Variants in SCFD2 observed in about 807,000 individuals in gnomAD.
The protein encoded by SCFD2 is sec1 family domain containing 2.
Under a neutral mutation model 58.9 loss-of-function variants are expected in SCFD2, and 54 were observed. That is an observed-to-expected ratio of 0.92 (90% CI 0.74 to 1.15). The LOEUF (loss-of-function observed/expected upper bound fraction) is 1.15. SCFD2 is among the 50% of genes most tolerant of loss of function. The pLI, the probability that SCFD2 is intolerant of heterozygous loss-of-function variation, is 0.00. For synonymous variants in SCFD2, 321 were observed against 335.9 expected (o/e 0.96, Z 0.49); for missense variants, 805 against 836.6 (o/e 0.96, Z 0.47).
intron 4 of SCFD2, among the ~76,000 whole-genome samples, chr4:53,171,987 AT>A (rs1577800419): frequency 1.4e-5 from 2 of 147,714 alleles, no homozygotes. Context: ...TTTTATTTTT[AT>A]TTTATTTATT....
At chr4:52,906,651 GTCC>G (rs1719355555) in intron 7 of SCFD2, among the ~76,000 whole-genome samples, 1 of 152,214 alleles carries the variant, frequency 6.6e-6, no homozygotes, top group African/African-American at 2.4e-5. Context: ...TCTGGCGTCT[GTCC>G]TCTGGGTTTT....
intron 8 of SCFD2, among the ~76,000 whole-genome samples, chr4:52,874,549 C>T (rs1413540140): frequency 1.3e-5 from 2 of 152,126 alleles, no homozygotes; most frequent in African/African-American, 4.8e-5. Flanking sequence ...TTCCTAGTAC[C>T]ACAAACTGGG....
chr4:52,924,210 G>A (rs1719811022), intron 5 of SCFD2, among the ~76,000 whole-genome samples: 1 of 151,878 alleles, frequency 6.6e-6, no homozygotes, highest in African/African-American at 2.4e-5. Context: ...CATTAGGCTG[G>A]GTGGAATAGA....
intron 7 of SCFD2, among the ~76,000 whole-genome samples, chr4:52,899,891 T>G (rs992739476): frequency 1.3e-5 from 2 of 152,236 alleles, no homozygotes; most frequent in Non-Finnish European, 2.9e-5. Flanking sequence ...ATGCTTCATT[T>G]CATTCATTTC....
chr4:53,235,784 T>TGTGTGTGCATAC (rs937994719), intron 4 of SCFD2, among the ~76,000 whole-genome samples: 1 of 152,188 alleles, frequency 6.6e-6, no homozygotes, highest in Non-Finnish European at 1.5e-5. Flanking sequence ...TGAGCATGCG[T>TGTGTGTGCATAC]GTGTGTGCAT....
intron 4 of SCFD2, among the ~76,000 whole-genome samples, chr4:53,211,300 T>A (rs1728605356): frequency 6.6e-6 from 1 of 151,104 alleles, no homozygotes; most frequent in African/African-American, 2.4e-5. Context: ...AGCTGAACCC[T>A]TGGAGGTTCC....
chr4:53,105,406 C>T (rs1250200880), intron 5 of SCFD2, among the ~76,000 whole-genome samples: 1 of 151,968 alleles, frequency 6.6e-6, no homozygotes, highest in Non-Finnish European at 1.5e-5. Flanking sequence ...GATCCCACCC[C>T]CATGGAGCCC....
chr4:52,874,160 G>T, intron 8 of SCFD2, 99 bp from the exon 9 acceptor site: 1 of 843,730 alleles, frequency 1.2e-6, no homozygotes, highest in South Asian at 1.5e-5. Context: ...GTCTTTGGGG[G>T]AGGGCATGAA....
rs541786480 is a variant in SCFD2, at chr4:53,091,696, T to C, written c.1561+53637A>G. ...CTGTAGATACAACTTTCATAGAAACTGCTTAGGTGACCTGTGATATAACAC... is the reference window on the plus strand; with the variant it reads ...CTGTAGATACAACTTTCATAGAAACCGCTTAGGTGACCTGTGATATAACAC... On this transcript the variant is annotated intron_variant, in intron 5 of 8. Coordinates refer to ENST00000401642, the MANE Select transcript of SCFD2 (RefSeq NM_152540.4). 5.9e-5 allele frequency among the ~76,000 whole-genome samples: 9 copies of C among 152,210 alleles called. No homozygotes were observed. In the South Asian group the frequency reaches 1.0e-3, roughly 18 times the overall value.
chr4:53,006,071 G>A (rs1721965185), intron 5 of SCFD2, among the ~76,000 whole-genome samples: 2 of 152,066 alleles, frequency 1.3e-5, no homozygotes, highest in African/African-American at 2.4e-5. Context: ...TCTGCTTTGG[G>A]AACCATCAGG....
rs139036739 is a variant in SCFD2 at position 53,365,168 on chromosome 4, G to C, written c.774C>G (p.Asn258Lys). 1.2e-6 allele frequency: 2 copies of C among 1,614,238 alleles called. No homozygotes were observed. Among genetic ancestry groups the C allele is most frequent in the South Asian group, 2.2e-5 (2 of 91,084 alleles). The change falls in exon 1 of 9, where the codon AAC (asparagine) becomes AAG (lysine). Residue 258 changes from asparagine (N) to lysine (K), a missense_variant. By Grantham distance (94) the Asn-to-Lys change is moderately conservative (BLOSUM62 0). Coordinates refer to ENST00000401642, the MANE Select transcript of SCFD2 (RefSeq NM_152540.4). The surrounding 1 kb of genome is among the most constrained non-coding windows in gnomAD (Gnocchi z 4.3). ...ADLANYAPAK[N>K]RKKTAAGRAS... ...CCCTGCCTGCAGCAGTCTTCTTCCT[G>C]TTCTTTGCAGGGGCATAATTGGCCA...
chr4:52,966,622 G>T (rs1692535249), intron 5 of SCFD2, among the ~76,000 whole-genome samples: 1 of 152,026 alleles, frequency 6.6e-6, no homozygotes, highest in Non-Finnish European at 1.5e-5. Context: ...TACTTCATTT[G>T]TTTGGTAGGA....
chr4:53,210,762 G>A lies in SCFD2; in HGVS notation c.1311+63064C>T, dbSNP rs540533016. On this transcript the variant is annotated intron_variant, in intron 4 of 8. Coordinates refer to ENST00000401642, the MANE Select transcript of SCFD2 (RefSeq NM_152540.4). ...CGTAACTCCCACAGCCTTTGTTACAGTCTTTTATTATAATGTGGAATGTGT... is the reference window on the plus strand; with the variant it reads ...CGTAACTCCCACAGCCTTTGTTACAATCTTTTATTATAATGTGGAATGTGT... Among the ~76,000 whole-genome samples the A allele has an allele frequency of 4.1e-4, 62 of 151,922 alleles. 1 individual carries two copies. The highest frequency in any genetic ancestry group is 7.9e-4 in the Non-Finnish European group (54 of 67,984).
intron 2 of SCFD2, among the ~76,000 whole-genome samples, chr4:53,332,490 A>C (rs1176617894): frequency 1.1e-4 from 16 of 152,158 alleles, no homozygotes; most frequent in Admixed American, 6.6e-4. Context: ...GAACCAAAGA[A>C]AAAAACCACA....
rs574446919 is a variant in SCFD2 at position 53,076,153 on chromosome 4, T to C, written c.1561+69180A>G. On this transcript the variant is annotated intron_variant, in intron 5 of 8. Transcript: ENST00000401642. ...GTTCTCCTCAGTCCTAATTTTCATA[T>C]ATTACAAGAAAAAATTTCTATCACA... 2.6e-5 allele frequency among the ~76,000 whole-genome samples: 4 copies of C among 152,298 alleles called. No individual in the cohort carries two copies. The East Asian group carries it at 7.7e-4, about 29-fold the overall frequency.
At chr4:53,129,211 C>T (rs1209762677) in intron 5 of SCFD2, among the ~76,000 whole-genome samples, 1 of 143,432 alleles carries the variant, frequency 7.0e-6, no homozygotes, top group Non-Finnish European at 1.5e-5. Context: ...AGGCGTGTAT[C>T]TTGGAAGAAA....
intron 4 of SCFD2, among the ~76,000 whole-genome samples, chr4:53,190,047 A>G (rs1228675845): frequency 2.0e-5 from 3 of 152,230 alleles, no homozygotes; most frequent in African/African-American, 7.2e-5. Flanking sequence ...ATACACAGAA[A>G]GGTCTAACTC....
At chr4:53,066,824 G>A (rs1473968294) in intron 5 of SCFD2, among the ~76,000 whole-genome samples, 1 of 151,988 alleles carries the variant, frequency 6.6e-6, no homozygotes, top group African/African-American at 2.4e-5. Context: ...GTGGAGATAT[G>A]TTATTTCCTC....
intron 4 of SCFD2, among the ~76,000 whole-genome samples, chr4:53,272,986 AAAAATAT>A (rs1361715780): frequency 6.6e-6 from 1 of 152,204 alleles, no homozygotes; most frequent in African/African-American, 2.4e-5. Context: ...AACATCTAAT[AAAAATAT>A]AAAAACAGTG....
Sources: allele counts gnomAD v4.1 joint callset (sites outside exome capture counted in the v4.1 genomes callset), GRCh38; gene constraint gnomAD v4.1.1; non-coding constraint Gnocchi (gnomAD v3.1); transcripts MANE v1.5; gene names NCBI Gene and HGNC (gene_info 2026-07-23, HGNC 2026-07-21).